Variants in KIF26B observed in about 807,000 individuals in gnomAD.
KIF26B encodes the protein kinesin family member 26B.
A neutral mutation model predicts 151.2 loss-of-function variants in KIF26B; 63 were observed. That is an observed-to-expected ratio of 0.42 (90% CI 0.34 to 0.51). KIF26B has a LOEUF of 0.51. Ranked by LOEUF, KIF26B falls within the 20% of genes least tolerant of loss-of-function variation. The pLI, the probability that KIF26B is intolerant of heterozygous loss-of-function variation, is 0.07. For missense variants in KIF26B, 2,813 were observed against 2,913.6 expected (o/e 0.97, Z 0.79); for synonymous variants, 1,357 against 1,262.1 (o/e 1.08, Z -1.59).
Position 245,540,941 on chromosome 1 carries a change from G to A in KIF26B, c.1341G>A (p.Gly447=), listed in dbSNP as rs760738222. The A allele has an allele frequency of 3.1e-6, 5 of 1,612,950 alleles. No individual in the cohort carries two copies. Among genetic ancestry groups the A allele is most frequent in the South Asian group, 2.2e-5 (2 of 91,018 alleles). ...RAVNKVKDTP[G]LGKVKVMLRI... ...TCAACAAGGTGAAGGACACCCCGGG[G>A]CTGGGCAAGGTAGGACCATCCGCCG... The change falls in exon 5 of 15, where the codon GGG becomes GGA. Residue 447 remains glycine, a synonymous_variant. Transcript: ENST00000407071. The surrounding 1 kb of genome is among the most constrained non-coding windows in gnomAD (Gnocchi z 4.6).
intron 4 of KIF26B, among the ~76,000 whole-genome samples, chr1:245,463,094 A>G (rs751165450): frequency 6.6e-6 from 1 of 152,192 alleles, no homozygotes; most frequent in Non-Finnish European, 1.5e-5. Flanking sequence ...TGTCCTTCTC[A>G]GAAGAGAACC....
chr1:245,195,751 AC>A (rs1181489053), intron 2 of KIF26B, among the ~76,000 whole-genome samples: 1 of 152,196 alleles, frequency 6.6e-6, no homozygotes, highest in African/African-American at 2.4e-5. Flanking sequence ...TAAAGAGTTT[AC>A]CATCCAGAAG....
intron 2 of KIF26B, among the ~76,000 whole-genome samples, chr1:245,213,729 C>T (rs1669590062): frequency 6.6e-6 from 1 of 152,150 alleles, no homozygotes. Context: ...CCGTGTGCCG[C>T]ACCTTTGTTC....
At chr1:245,576,795 T>C (rs2043122503) in intron 5 of KIF26B, among the ~76,000 whole-genome samples, 1 of 152,192 alleles carries the variant, frequency 6.6e-6, no homozygotes, top group Admixed American at 6.5e-5. Flanking sequence ...TGTGTATCAC[T>C]TCCCTCCAGC....
intron 2 of KIF26B, among the ~76,000 whole-genome samples, chr1:245,245,065 G>A (rs1670298998): frequency 6.6e-6 from 1 of 152,156 alleles, no homozygotes; most frequent in Non-Finnish European, 1.5e-5. Context: ...CAGGGAGCCT[G>A]TGAGCCTCGG....
At chr1:245,463,833 C>T (rs1204433625) in intron 4 of KIF26B, among the ~76,000 whole-genome samples, 3 of 152,186 alleles carry the variant, frequency 2.0e-5, no homozygotes, top group Non-Finnish European at 4.4e-5. Flanking sequence ...GATTTCATTG[C>T]GTATAAACAT....
At chr1:245,676,812 C>T (rs2044362085) in intron 10 of KIF26B, among the ~76,000 whole-genome samples, 1 of 152,190 alleles carries the variant, frequency 6.6e-6, no homozygotes, top group Admixed American at 6.5e-5. Context: ...CATGAATGCT[C>T]ATCACACGTC....
At chr1:245,458,863 C>T (rs1374690336) in intron 4 of KIF26B, among the ~76,000 whole-genome samples, 6 of 152,194 alleles carry the variant, frequency 3.9e-5, no homozygotes, top group Admixed American at 6.5e-5. Context: ...TCAAATATGA[C>T]GTGAGCCCAG....
intron 3 of KIF26B, among the ~76,000 whole-genome samples, chr1:245,410,343 C>T (rs377458122): frequency 1.2e-4 from 19 of 152,286 alleles, no homozygotes; most frequent in African/African-American, 4.3e-4. Flanking sequence ...CGGGCCTCAC[C>T]GTTGATGGTC....
chr1:245,605,712 A>G (rs962619905), intron 6 of KIF26B, among the ~76,000 whole-genome samples: 3 of 152,090 alleles, frequency 2.0e-5, no homozygotes, highest in African/African-American at 7.2e-5. Flanking sequence ...CAGGGGAAGC[A>G]GCAAGGGGCC....
chr1:245,464,414 G>A (rs1306386406), intron 4 of KIF26B, among the ~76,000 whole-genome samples: 1 of 142,920 alleles, frequency 7.0e-6, no homozygotes, highest in Non-Finnish European at 1.5e-5. Flanking sequence ...CGTATGTGGG[G>A]GTGTGTGTGG....
intron 2 of KIF26B, among the ~76,000 whole-genome samples, chr1:245,234,679 C>T (rs931954781): frequency 2.0e-5 from 3 of 152,114 alleles, no homozygotes; most frequent in African/African-American, 4.8e-5. Context: ...TTCTTCCCGG[C>T]GGCTTGCAAA....
At position 245,354,994 on chromosome 1, in the gene KIF26B, C is replaced by T. The variant is rs971178666; in HGVS notation, c.466-11840C>T. On this transcript the variant is annotated intron_variant, in intron 2 of 14. Transcript: ENST00000407071. Reference sequence around the variant, plus strand: ...AGAGTGCACTGGCGCGATCTCGGCTCGCTGCAACCTATGCCTTTCAGGTTC... The same window carrying T: ...AGAGTGCACTGGCGCGATCTCGGCTTGCTGCAACCTATGCCTTTCAGGTTC... Among the ~76,000 whole-genome samples the T allele has an allele frequency of 3.6e-4, 55 of 152,174 alleles. 1 individual carries two copies. Among genetic ancestry groups the T allele is most frequent in the African/African-American group, 5.8e-4 (24 of 41,440 alleles).
At chr1:245,381,534 GT>G (rs1328147391) in intron 3 of KIF26B, among the ~76,000 whole-genome samples, 1 of 152,110 alleles carries the variant, frequency 6.6e-6, no homozygotes, top group Non-Finnish European at 1.5e-5. Context: ...TAGTGTCAGT[GT>G]TTTTTAAGTG....
At chr1:245,280,597 G>GTTTTTT (rs74163033) in intron 2 of KIF26B, among the ~76,000 whole-genome samples, 7 of 104,482 alleles carry the variant, frequency 6.7e-5, no homozygotes, top group Non-Finnish European at 9.0e-5. Context: ...GGAAGTTTTC[G>GTTTTTT]TTTTTTTTTT....
rs190417790 is a variant in KIF26B, at chr1:245,358,295, C to T, written c.466-8539C>T. 4.2e-3 allele frequency among the ~76,000 whole-genome samples: 641 copies of T among 152,088 alleles called. 5 individuals are homozygous for T. Among genetic ancestry groups the T allele is most frequent in the Non-Finnish European group, 5.3e-3 (359 of 67,970 alleles). On this transcript the variant is annotated intron_variant, in intron 2 of 14. Transcript: ENST00000407071. This position sits in a 1 kb window ranked among gnomAD's most constrained non-coding sequence, Gnocchi z 4.1. Reference sequence around the variant, plus strand: ...AAGTTTAAGAAAACACAGCCAAGGGCGGATCATGAGGTCAGGAAATCGAGA... The same window carrying T: ...AAGTTTAAGAAAACACAGCCAAGGGTGGATCATGAGGTCAGGAAATCGAGA...
In KIF26B at chr1:245,215,273, C is replaced by A. The variant is rs12042657; in HGVS notation, c.465+58590C>A. ...CAGGGCCCGGCTCCTTGGTGACCAG[C>A]CAGGTGCCCTCCAGCCAGCGGCCCC... On this transcript the variant is annotated intron_variant, in intron 2 of 14. Transcript: ENST00000407071. Among the ~76,000 whole-genome samples, 825 of 152,232 alleles carry A rather than the reference C, an allele frequency of 5.4e-3. 33 individuals are homozygous for A. In the East Asian group the frequency reaches 0.13, roughly 24 times the overall value.
At chr1:245,591,487 T>C (rs1251031456) in intron 5 of KIF26B, among the ~76,000 whole-genome samples, 1 of 152,210 alleles carries the variant, frequency 6.6e-6, no homozygotes, top group Admixed American at 6.5e-5. Flanking sequence ...CACTCGTGCA[T>C]GGACACATAC....
At chr1:245,676,887 TCCTGC>T (rs2044363225) in intron 10 of KIF26B, among the ~76,000 whole-genome samples, 1 of 152,104 alleles carries the variant, frequency 6.6e-6, no homozygotes, top group South Asian at 2.1e-4. Context: ...ATCACTTCTC[TCCTGC>T]CTGTCACTGG....
Sources: gnomAD v4.1 joint callset for allele counts (sites outside exome capture counted in the v4.1 genomes callset) on GRCh38, gnomAD v4.1.1 for gene constraint, Gnocchi (gnomAD v3.1) non-coding constraint, MANE v1.5 for transcripts, NCBI Gene and HGNC (gene_info 2026-07-23, HGNC 2026-07-21) for gene names.